MLLT3: variants seen among roughly 807,000 people sequenced by gnomAD.
MLLT3 encodes protein AF-9.
MLLT3 carries 4 observed loss-of-function variants against 53.2 expected under a neutral mutation model. That is an observed-to-expected ratio of 0.08 (90% CI 0.04 to 0.17). The LOEUF (loss-of-function observed/expected upper bound fraction) is 0.17, where lower values mean the gene tolerates loss of function less well. MLLT3 is among the 10% of genes least tolerant of loss of function. The probability of loss-of-function intolerance (pLI) is 1.00; values close to 1 mark genes in which losing one functional copy is unlikely to be tolerated. For missense variants in MLLT3, 569 were observed against 684.0 expected, an observed-to-expected ratio of 0.83 and a Z score of 1.87; for synonymous variants, 283 against 230.6, an observed-to-expected ratio of 1.23 and a Z score of -2.06.
intron 3 of MLLT3, among the ~76,000 whole-genome samples, chr9:20,451,511 T>G (rs1185795601): frequency 3.9e-5 from 6 of 152,158 alleles, no homozygotes; most frequent in African/African-American, 1.4e-4. Flanking sequence ...CTCTGAATCC[T>G]GAGTATGATT....
At chr9:20,417,800 T>C (rs1563958202) in intron 4 of MLLT3, among the ~76,000 whole-genome samples, 2 of 152,166 alleles carry the variant, frequency 1.3e-5, no homozygotes, top group Non-Finnish European at 1.5e-5. Context: ...CTAATACTAC[T>C]TGTCAGCAAC....
intron 4 of MLLT3, among the ~76,000 whole-genome samples, chr9:20,417,067 C>G (rs1822889208): frequency 6.6e-6 from 1 of 150,644 alleles, no homozygotes; most frequent in South Asian, 2.1e-4. Context: ...TGTCACCAGT[C>G]TCCATGTTTG....
chr9:20,525,342 C>G (rs1403680277), intron 2 of MLLT3, among the ~76,000 whole-genome samples: 1 of 151,900 alleles, frequency 6.6e-6, no homozygotes, highest in Non-Finnish European at 1.5e-5. Context: ...ACTAAAAGTA[C>G]AAAAATTACC....
intron 4 of MLLT3, among the ~76,000 whole-genome samples, chr9:20,423,131 A>G (rs1823055132): frequency 1.3e-5 from 2 of 152,120 alleles, no homozygotes; most frequent in African/African-American, 4.8e-5. Context: ...TCTAGGCTCA[A>G]GTGATCCTCC....
intron 5 of MLLT3, among the ~76,000 whole-genome samples, chr9:20,368,222 C>T (rs1821506258): frequency 6.6e-6 from 1 of 152,224 alleles, no homozygotes; most frequent in Non-Finnish European, 1.5e-5. Context: ...GCCCCAATGG[C>T]GAGTTACACA....
chr9:20,488,708 G>T (rs1229432569), intron 2 of MLLT3, among the ~76,000 whole-genome samples: 1 of 152,144 alleles, frequency 6.6e-6, no homozygotes, highest in African/African-American at 2.4e-5. Flanking sequence ...ATGAAATTTG[G>T]TAAGGGAGGC....
chr9:20,478,877 G>A (rs527367170), intron 2 of MLLT3, among the ~76,000 whole-genome samples: 4 of 152,098 alleles, frequency 2.6e-5, no homozygotes, highest in African/African-American at 9.7e-5. Context: ...TTCAGCAGAG[G>A]TGAAGTTCCA....
At position 20,589,860 on chromosome 9, in the gene MLLT3, G is replaced by T. The variant is rs975361470; in HGVS notation, c.193+30794C>A. Among the ~76,000 whole-genome samples the T allele has an allele frequency of 2.0e-5, 3 of 151,816 alleles. No homozygotes were observed. The South Asian group carries it at 6.2e-4, about 32-fold the overall frequency. On this transcript the variant is annotated intron_variant, in intron 2 of 10. Transcript: ENST00000380338. ...CAAGTAGCTGGGATTACAGGTGCCC[G>T]CCACTGTGCCCAGCTAATTTTTGTA...
intron 2 of MLLT3, among the ~76,000 whole-genome samples, chr9:20,486,102 T>C (rs1188607443): frequency 6.6e-6 from 1 of 152,178 alleles, no homozygotes; most frequent in Non-Finnish European, 1.5e-5. Flanking sequence ...GAAATAAAAT[T>C]TGTATCTGTC....
intron 2 of MLLT3, among the ~76,000 whole-genome samples, chr9:20,564,298 A>C (rs1248726010): frequency 6.6e-6 from 1 of 151,890 alleles, no homozygotes; most frequent in Non-Finnish European, 1.5e-5. Flanking sequence ...GAAAAGTTTC[A>C]TGCACTTGAA....
intron 3 of MLLT3, among the ~76,000 whole-genome samples, chr9:20,450,283 C>A (rs1344996273): frequency 6.6e-6 from 1 of 152,128 alleles, no homozygotes; most frequent in East Asian, 1.9e-4. Context: ...GCTTAGACCA[C>A]CACCATTCTT....
chr9:20,597,923 C>A (rs988623115), intron 2 of MLLT3, among the ~76,000 whole-genome samples: 1 of 152,148 alleles, frequency 6.6e-6, no homozygotes, highest in African/African-American at 2.4e-5. Context: ...TGTTCCAAAG[C>A]ACCATTTAAA....
chr9:20,619,895 C>G (rs1212889440), intron 2 of MLLT3, among the ~76,000 whole-genome samples: 1 of 152,220 alleles, frequency 6.6e-6, no homozygotes, highest in African/African-American at 2.4e-5. Flanking sequence ...AAGGCTTCCT[C>G]CACATCGTTC....
At chr9:20,431,049 T>C (rs185145691) in intron 4 of MLLT3, among the ~76,000 whole-genome samples, 3 of 152,258 alleles carry the variant, frequency 2.0e-5, no homozygotes, top group East Asian at 1.9e-4. Context: ...TAAATGTGCA[T>C]AGATGAACAA....
intron 2 of MLLT3, among the ~76,000 whole-genome samples, chr9:20,595,323 T>C (rs762881979): frequency 2.6e-5 from 4 of 152,012 alleles, no homozygotes; most frequent in Admixed American, 6.6e-5. Flanking sequence ...ATCGTCTTCA[T>C]ACATACCACT....
At chr9:20,382,467 A>T (rs906763592) in intron 5 of MLLT3, 10 of 152,024 alleles carry the variant, frequency 6.6e-5, no homozygotes, top group African/African-American at 2.4e-4. Flanking sequence ...AGAGCTGTTA[A>T]GAATGATCTT....
chr9:20,442,534 C>G (rs1002064275), intron 4 of MLLT3, among the ~76,000 whole-genome samples: 2 of 152,134 alleles, frequency 1.3e-5, no homozygotes. Flanking sequence ...GTGATCCATA[C>G]AGTTGAGAAA....
At chr9:20,601,558 T>C (rs1820420562) in intron 2 of MLLT3, among the ~76,000 whole-genome samples, 1 of 152,094 alleles carries the variant, frequency 6.6e-6, no homozygotes, top group Admixed American at 6.6e-5. Context: ...TCCCCCAGAG[T>C]TTCTTTTGCT....
intron 5 of MLLT3, among the ~76,000 whole-genome samples, chr9:20,404,900 G>C (rs990535833): frequency 2.0e-5 from 3 of 152,010 alleles, no homozygotes; most frequent in African/African-American, 7.3e-5. Context: ...GCCAGGTATG[G>C]CTATGTTCCT....
Sources: gnomAD v4.1 joint callset for allele counts (sites outside exome capture counted in the v4.1 genomes callset) on GRCh38, gnomAD v4.1.1 for gene constraint, MANE v1.5 for transcripts, NCBI Gene and HGNC (gene_info 2026-07-23, HGNC 2026-07-21) for gene names.